EYA3: variants seen among roughly 807,000 people sequenced by gnomAD.
EYA3 encodes the protein protein phosphatase EYA3.
Under a neutral mutation model 80.0 loss-of-function variants are expected in EYA3, and 39 were observed. The ratio of observed to expected loss-of-function variants is 0.49; its 90% CI spans 0.38 to 0.64. EYA3 has a LOEUF of 0.64. Among genes scored for constraint, EYA3 ranks in the 30% least tolerant of loss-of-function variants. The pLI is 0.00. For missense variants in EYA3, 523 were observed against 676.1 expected (o/e 0.77, Z 2.51); for synonymous variants, 206 against 232.8 (o/e 0.88, Z 1.05).
intron 1 of EYA3, among the ~76,000 whole-genome samples, chr1:28,084,596 T>TATATATATATATATA (rs56396330): frequency 1.1e-3 from 14 of 12,334 alleles, no homozygotes; most frequent in African/African-American, 3.4e-3. Context: ...TATATATATA[T>TATATATATATATATA]TTTTTTTTTT....
At chr1:28,054,247 A>C (rs1384812707) in intron 2 of EYA3, among the ~76,000 whole-genome samples, 1 of 152,202 alleles carries the variant, frequency 6.6e-6, no homozygotes, top group African/African-American at 2.4e-5. Context: ...GGAAAGCAGG[A>C]CCTAGAGAGG....
In EYA3 at chr1:28,078,899, C is replaced by T. The variant is rs140172826; in HGVS notation, c.-69+9625G>A. 1.8e-3 allele frequency among the ~76,000 whole-genome samples: 276 copies of T among 152,276 alleles called. 1 individual carries two copies. Among genetic ancestry groups the T allele is most frequent in the African/African-American group, 6.4e-3 (266 of 41,548 alleles). On this transcript the variant is annotated intron_variant, in intron 1 of 17. Coordinates refer to ENST00000373871, the MANE Select transcript of EYA3 (RefSeq NM_001990.4). ...CAAAGCCTGAGTTCTCAAACCACAG[C>T]TATGTGTCTCATAATGGAACAATGC...
intron 1 of EYA3, among the ~76,000 whole-genome samples, chr1:28,085,285 T>C (rs1192827754): frequency 6.6e-6 from 1 of 152,004 alleles, no homozygotes; most frequent in Non-Finnish European, 1.5e-5. Context: ...ACTCTGCCTC[T>C]CCAAAAAAAT....
At chr1:28,043,996 A>G (rs900868938) in intron 3 of EYA3, among the ~76,000 whole-genome samples, 6 of 152,244 alleles carry the variant, frequency 3.9e-5, no homozygotes, top group African/African-American at 1.4e-4. Context: ...AGCCAGGACT[A>G]AGCAACATCA....
At chr1:28,069,871 A>T (rs534157331) in intron 1 of EYA3, among the ~76,000 whole-genome samples, 71 of 152,372 alleles carry the variant, frequency 4.7e-4, no homozygotes, top group Middle Eastern at 3.4e-3. Context: ...CTTATAAGAG[A>T]AAAGCAGACA....
At chr1:28,063,579 C>A (rs1310603128) in intron 1 of EYA3, among the ~76,000 whole-genome samples, 1 of 151,828 alleles carries the variant, frequency 6.6e-6, no homozygotes, top group Non-Finnish European at 1.5e-5. Flanking sequence ...GACTCCTGGC[C>A]TCAAGTGATC....
intron 14 of EYA3, among the ~76,000 whole-genome samples, chr1:27,992,617 G>C (rs1195364420): frequency 6.6e-6 from 1 of 152,166 alleles, no homozygotes; most frequent in African/African-American, 2.4e-5. Flanking sequence ...TTGTATCTTT[G>C]ATGGTGATGG....
chr1:28,062,652 A>ATGTAGG (rs1401593912), intron 1 of EYA3, among the ~76,000 whole-genome samples: 1 of 111,124 alleles, frequency 9.0e-6, no homozygotes, highest in Non-Finnish European at 2.0e-5. Context: ...AATTAAATAT[A>ATGTAGG]TGTAGGTGTG....
rs1312932268 is a variant in EYA3 at position 28,004,321 on chromosome 1, G to C, written c.993+15C>G. 1.3e-6 allele frequency: 2 copies of C among 1,574,294 alleles called. No individual in the cohort carries two copies. The highest frequency in any genetic ancestry group is 1.7e-6 in the Non-Finnish European group (2 of 1,147,124). ...TCAGAAGAGGGACAGTTACAACAAA[G>C]AAGACTCAAATTACCTTTCCATATT... On this transcript the variant is annotated intron_variant, in intron 11 of 17. Coordinates refer to ENST00000373871, the MANE Select transcript of EYA3 (RefSeq NM_001990.4).
chr1:28,055,462 C>CTTTTT (rs531586344), intron 2 of EYA3, among the ~76,000 whole-genome samples: 12 of 106,946 alleles, frequency 1.1e-4, no homozygotes, highest in Non-Finnish European at 1.8e-4. Context: ...TAAAGAAAAT[C>CTTTTT]TTTTTTTTTT....
At chr1:28,033,242 T>C (rs1363221183) in intron 6 of EYA3, among the ~76,000 whole-genome samples, 3 of 152,174 alleles carry the variant, frequency 2.0e-5, no homozygotes, top group Non-Finnish European at 4.4e-5. Flanking sequence ...TCCTACTTAA[T>C]TTAACACATT....
chr1:28,063,291 TTA>T (rs751334336), intron 1 of EYA3, among the ~76,000 whole-genome samples: 4,275 of 134,242 alleles, frequency 0.032, 76 homozygotes, highest in African/African-American at 0.045. Flanking sequence ...CCAAAGTGCC[TTA>T]TATATATATA....
chr1:27,977,134 C>T (rs1220197509), intron 17 of EYA3: 1 of 1,411,454 alleles, frequency 7.1e-7, no homozygotes, highest in South Asian at 1.5e-5. Flanking sequence ...TTGATGCCTA[C>T]ACCCACTAGT....
Position 28,040,334 on chromosome 1 carries a change from G to A in EYA3, c.158-1429C>T, listed in dbSNP as rs577611422. ...AGATGGGCAAGTTTGGGAGAAGAGT[G>A]TATGTCACGGGGGCTAAAGGAATCG... On this transcript the variant is annotated intron_variant, in intron 4 of 17. Transcript: ENST00000373871. 1.1e-4 allele frequency among the ~76,000 whole-genome samples: 16 copies of A among 152,290 alleles called. No individual in the cohort carries two copies. In the South Asian group the frequency reaches 3.3e-3, roughly 32 times the overall value.
chr1:28,072,119 A>T lies in EYA3; in HGVS notation c.-68-14025T>A, dbSNP rs369203279. On this transcript the variant is annotated intron_variant, in intron 1 of 17. Coordinates refer to ENST00000373871, the MANE Select transcript of EYA3 (RefSeq NM_001990.4). ...AATTGAATTCATTCCCCCCAAAAAA[A>T]TTATGTGACATATAAAGCATTTTGG... Among the ~76,000 whole-genome samples the T allele has an allele frequency of 1.2e-3, 180 of 152,300 alleles. 1 individual carries two copies. Among genetic ancestry groups the T allele is most frequent in the Non-Finnish European group, 2.0e-3 (135 of 68,024 alleles).
Position 27,972,662 on chromosome 1 carries a change from T to C in EYA3, c.*1804A>G, listed in dbSNP as rs41307933. On this transcript the variant is annotated 3_prime_UTR_variant, in exon 18 of 18. Coordinates refer to ENST00000373871, the MANE Select transcript of EYA3 (RefSeq NM_001990.4). Reference sequence around the variant, plus strand: ...CCTGCATCTCAATCTGAGGTGCTTGTATCATCTCTCTCTGTGTAGCCTGGG... The same window carrying C: ...CCTGCATCTCAATCTGAGGTGCTTGCATCATCTCTCTCTGTGTAGCCTGGG... 3.3e-5 allele frequency: 5 copies of C among 152,392 alleles called. No individual in the cohort carries two copies. Among genetic ancestry groups the C allele is most frequent in the Admixed American group, 2.0e-4 (3 of 15,308 alleles). 9.4% of individuals were successfully genotyped at this position (152,392 alleles called of 1,614,324 possible).
intron 1 of EYA3, among the ~76,000 whole-genome samples, chr1:28,085,414 A>C (rs183878642): frequency 6.6e-6 from 1 of 152,360 alleles, no homozygotes; most frequent in East Asian, 1.9e-4. Context: ...GTGCCACTGC[A>C]CTACAGCCTG....
At chr1:28,026,331 C>A (rs1208543632) in intron 7 of EYA3, among the ~76,000 whole-genome samples, 1 of 152,172 alleles carries the variant, frequency 6.6e-6, no homozygotes, top group African/African-American at 2.4e-5. Context: ...TAGAGAAATA[C>A]TAGGCCAGGT....
intron 1 of EYA3, among the ~76,000 whole-genome samples, chr1:28,085,760 GGTTT>G (rs149922866): frequency 0.14 from 21,010 of 151,772 alleles, 1,691 homozygotes; most frequent in East Asian, 0.24. Context: ...GCTGTCTCTG[GGTTT>G]GTTTGTTTGT....
Sources: allele counts gnomAD v4.1 joint callset (sites outside exome capture counted in the v4.1 genomes callset), GRCh38; gene constraint gnomAD v4.1.1; transcripts MANE v1.5; gene names NCBI Gene and HGNC (gene_info 2026-07-23, HGNC 2026-07-21).